The following HECW1 variants were observed in gnomAD, a reference collection of about 807,000 sequenced individuals.
The protein encoded by HECW1 is HECT, C2 and WW domain containing E3 ubiquitin protein ligase 1, also known as E3 ubiquitin-protein ligase HECW1.
Under a neutral mutation model 182.3 loss-of-function variants are expected in HECW1, and 61 were observed. The observed-to-expected ratio is 0.33, with a 90% CI of 0.27 to 0.41. HECW1 has a LOEUF of 0.41. Ranked by LOEUF, HECW1 falls within the 10% of genes least tolerant of loss-of-function variation. The probability of loss-of-function intolerance (pLI) is 1.00; values close to 1 mark genes in which losing one functional copy is unlikely to be tolerated. For synonymous variants in HECW1, 859 were observed against 832.6 expected (o/e 1.03, Z -0.55); for missense variants, 1,739 against 2,108.9 (o/e 0.82, Z 3.44).
rs114750648 is a variant in HECW1, at chr7:43,518,213, G to A, written c.4019+9092G>A. 9.4e-3 allele frequency among the ~76,000 whole-genome samples: 1,424 copies of A among 152,200 alleles called. 30 individuals carry two copies. The highest frequency in any genetic ancestry group is 0.031 in the African/African-American group (1,306 of 41,532). Reference sequence around the variant, plus strand: ...ACTAGAATCTATAAAAGAAAAGAAAGGCCGGGCACAGTGGCTCACACCTCT... The same window carrying A: ...ACTAGAATCTATAAAAGAAAAGAAAAGCCGGGCACAGTGGCTCACACCTCT... On this transcript the variant is annotated intron_variant, in intron 24 of 29. Transcript: ENST00000395891.
chr7:43,543,781 C>T (rs77107244), intron 26 of HECW1, among the ~76,000 whole-genome samples: 30 of 49,654 alleles, frequency 6.0e-4, no homozygotes, highest in Admixed American at 5.1e-3. Flanking sequence ...CTCCATCTCA[C>T]AAAAAAAAAA....
At chr7:43,146,730 G>A (rs946996625) in intron 2 of HECW1, among the ~76,000 whole-genome samples, 4 of 152,176 alleles carry the variant, frequency 2.6e-5, no homozygotes, top group Non-Finnish European at 4.4e-5. Context: ...GGCTTCTTTG[G>A]GGATGCCCAC....
chr7:43,462,930 G>A (rs1036064604), intron 13 of HECW1, among the ~76,000 whole-genome samples: 1 of 152,198 alleles, frequency 6.6e-6, no homozygotes, highest in Admixed American at 6.5e-5. Context: ...CCTTTCACCT[G>A]GCTGGAGTTA....
rs537001810 is a variant in HECW1, at chr7:43,195,338, A to G, written c.-31-48537A>G. On this transcript the variant is annotated intron_variant, in intron 2 of 29. Transcript: ENST00000395891. ...CTGGGAGGCCCTGTGCCACCTTGTC[A>G]GGCTTCCTAAAGGAGCTCTCAACTC... Among the ~76,000 whole-genome samples, 125 of 152,308 alleles carry G rather than the reference A, an allele frequency of 8.2e-4. 1 individual carries two copies. The highest frequency in any genetic ancestry group is 2.9e-3 in the African/African-American group (122 of 41,568).
chr7:43,283,323 G>A (rs1804173416), intron 3 of HECW1, among the ~76,000 whole-genome samples: 1 of 152,112 alleles, frequency 6.6e-6, no homozygotes, highest in South Asian at 2.1e-4. Flanking sequence ...TCCATGAAGT[G>A]TGATAATCAC....
chr7:43,168,341 CAG>C (rs1397020230), intron 2 of HECW1, among the ~76,000 whole-genome samples: 2 of 152,134 alleles, frequency 1.3e-5, no homozygotes, highest in African/African-American at 4.8e-5. Flanking sequence ...GGTGAACACA[CAG>C]AGACCTTGGG....
At chr7:43,323,626 C>CG (rs1057358500) in intron 5 of HECW1, among the ~76,000 whole-genome samples, 31 of 152,124 alleles carry the variant, frequency 2.0e-4, no homozygotes, top group African/African-American at 7.5e-4. Context: ...ACAACAACAA[C>CG]GACAAAAATA....
intron 24 of HECW1, chr7:43,509,913 G>C (rs2079779095): frequency 6.6e-6 from 1 of 152,362 alleles, no homozygotes; most frequent in Non-Finnish European, 1.5e-5. Flanking sequence ...GGTGACACCT[G>C]GGCCTGCTGG....
chr7:43,354,187 T>TAA (rs34351679), intron 5 of HECW1, among the ~76,000 whole-genome samples: 37 of 121,690 alleles, frequency 3.0e-4, no homozygotes, highest in Non-Finnish European at 5.3e-4. Context: ...TATCCAATAA[T>TAA]AAAAAAAAAA....
chr7:43,190,315 T>C (rs562113366), intron 2 of HECW1, among the ~76,000 whole-genome samples: 2 of 152,332 alleles, frequency 1.3e-5, no homozygotes, highest in South Asian at 4.1e-4. Flanking sequence ...GGTTTTACCA[T>C]GTTGGTCAGG....
At chr7:43,509,668 C>G (rs11760314) in intron 24 of HECW1, 85,928 of 152,360 alleles carry the variant, frequency 0.56, 24,865 homozygotes, top group Middle Eastern at 0.74. Flanking sequence ...ATTGGTATCA[C>G]TCAATGCTGT....
At chr7:43,405,212 GT>G (rs2075565923) in intron 7 of HECW1, among the ~76,000 whole-genome samples, 1 of 152,128 alleles carries the variant, frequency 6.6e-6, no homozygotes. Context: ...ATAGTAGGTG[GT>G]GGTGGAGGCA....
intron 24 of HECW1, among the ~76,000 whole-genome samples, chr7:43,522,866 A>G (rs1450351392): frequency 6.6e-6 from 1 of 152,222 alleles, no homozygotes; most frequent in African/African-American, 2.4e-5. Context: ...CCAGGAGGAC[A>G]GGGAGCTGCA....
chr7:43,492,203 C>G, intron 18 of HECW1, 23 bp downstream of exon 18: 3 of 1,526,540 alleles, frequency 2.0e-6, no homozygotes, highest in Non-Finnish European at 2.7e-6. Flanking sequence ...CTTGTTTGAG[C>G]CCCTGGCTCA....
chr7:43,442,553 T>G lies in HECW1; in HGVS notation c.969T>G (p.Leu323=). Residue 323 remains leucine (L), a synonymous_variant, in exon 10 of 30, where the codon CTT becomes CTG. Transcript: ENST00000395891. The part of the protein sequence containing the change: ...AIGDRVVSYT[L]GRRLPTDHVS... The stretch of plus-strand genomic sequence containing the variant: ...GGGATAGGGTGGTCAGCTACACACT[T>G]GGCCGCAGGCTTCCAACAGATCATG... The G allele has an allele frequency of 1.9e-6, 3 of 1,613,782 alleles. No individual in the cohort carries two copies. The highest frequency in any genetic ancestry group is 2.5e-6 in the Non-Finnish European group (3 of 1,179,730).
intron 2 of HECW1, among the ~76,000 whole-genome samples, chr7:43,119,791 C>CT (rs1222623180): frequency 2.0e-5 from 3 of 152,188 alleles, no homozygotes; most frequent in Non-Finnish European, 2.9e-5. Flanking sequence ...GTCCCTCTGA[C>CT]TTTTTTCTCA....
At chr7:43,198,391 CTCA>C (rs1354237713) in intron 2 of HECW1, among the ~76,000 whole-genome samples, 1 of 148,528 alleles carries the variant, frequency 6.7e-6, no homozygotes, top group African/African-American at 2.5e-5. Flanking sequence ...CTTACACACA[CTCA>C]TCAGTCACAC....
chr7:43,363,994 G>A (rs901729583), intron 6 of HECW1, among the ~76,000 whole-genome samples: 7 of 152,224 alleles, frequency 4.6e-5, no homozygotes, highest in Admixed American at 1.3e-4. Flanking sequence ...GAAATGCTGT[G>A]AGGTTTCCCT....
rs1157148238 is a variant in HECW1, at chr7:43,201,301, C to T, written c.-31-42574C>T. On this transcript the variant is annotated intron_variant, in intron 2 of 29. Coordinates refer to ENST00000395891, the MANE Select transcript of HECW1 (RefSeq NM_015052.5). ...GAAGGGGGTTTGGAAGCTGGAAATG[C>T]AGATTTCTGAGTCTTTCTTCTAGAG... 2.0e-5 allele frequency among the ~76,000 whole-genome samples: 3 copies of T among 152,180 alleles called. 1 individual carries two copies. The highest frequency in any genetic ancestry group is 1.3e-4 in the Admixed American group (2 of 15,278).
Sources: allele counts gnomAD v4.1 joint callset (sites outside exome capture counted in the v4.1 genomes callset), GRCh38; gene constraint gnomAD v4.1.1; transcripts MANE v1.5; gene names NCBI Gene and HGNC (gene_info 2026-07-23, HGNC 2026-07-21).